The following SAMD3 variants were observed in gnomAD, a reference collection of about 807,000 sequenced individuals.
SAMD3 encodes sterile alpha motif domain-containing protein 3.
In SAMD3, 63 loss-of-function variants were observed where a neutral mutation model predicts 58.5. The ratio of observed to expected loss-of-function variants is 1.08; its 90% CI spans 0.88 to 1.33. SAMD3 has a LOEUF of 1.33. SAMD3 is among the 40% of genes most tolerant of loss of function. The pLI is 0.00. For missense variants in SAMD3, 604 were observed against 608.4 expected, an observed-to-expected ratio of 0.99 and a Z score of 0.08; for synonymous variants, 220 against 210.3, an observed-to-expected ratio of 1.05 and a Z score of -0.40.
chr6:130,216,966 G>A (rs754157811), intron 1 of SAMD3, among the ~76,000 whole-genome samples: 13 of 152,128 alleles, frequency 8.5e-5, no homozygotes, highest in Non-Finnish European at 1.9e-4. Flanking sequence ...GGTAAGCAGA[G>A]CAGAAGATAC....
intron 2 of SAMD3, among the ~76,000 whole-genome samples, chr6:130,299,066 T>C (rs1775661584): frequency 6.6e-6 from 1 of 152,050 alleles, no homozygotes; most frequent in African/African-American, 2.4e-5. Flanking sequence ...GGCAGAAAAC[T>C]AACAAAGAAA....
intron 2 of SAMD3, among the ~76,000 whole-genome samples, chr6:130,248,038 C>T (rs926239833): frequency 6.6e-6 from 1 of 152,048 alleles, no homozygotes; most frequent in Admixed American, 6.6e-5. Context: ...TTTATTGTGG[C>T]ATTTATTTTT....
chr6:130,169,233 C>T (rs1791008759), intron 8 of SAMD3, among the ~76,000 whole-genome samples: 1 of 151,910 alleles, frequency 6.6e-6, no homozygotes, highest in South Asian at 2.1e-4. Flanking sequence ...TGATGGAACC[C>T]CCCCACACAC....
At chr6:130,169,485 G>A (rs1335742491) in intron 8 of SAMD3, among the ~76,000 whole-genome samples, 2 of 152,278 alleles carry the variant, frequency 1.3e-5, no homozygotes, top group South Asian at 2.1e-4. Flanking sequence ...CAGCAAAAAT[G>A]TTGTCTCTGT....
At chr6:130,226,264 A>G (rs1292653341), upstream of SAMD3, among the ~76,000 whole-genome samples, 6 of 152,338 alleles carry the variant, frequency 3.9e-5, no homozygotes, top group Non-Finnish European at 8.8e-5. Context: ...CTTACCTAAT[A>G]TAAGAACAAG....
intron 2 of SAMD3, among the ~76,000 whole-genome samples, chr6:130,298,356 T>C (rs192266372): frequency 6.6e-6 from 1 of 152,158 alleles, no homozygotes; most frequent in East Asian, 1.9e-4. Flanking sequence ...CATTACCAGA[T>C]CAGTCTTAAA....
At chr6:130,240,359 G>A (rs1773313301) in intron 2 of SAMD3, among the ~76,000 whole-genome samples, 1 of 152,194 alleles carries the variant, frequency 6.6e-6, no homozygotes, top group African/African-American at 2.4e-5. Flanking sequence ...CAGAGTCAAA[G>A]AGGGAACACG....
intron 2 of SAMD3, among the ~76,000 whole-genome samples, chr6:130,275,908 C>T (rs1294753947): frequency 6.6e-6 from 1 of 152,074 alleles, no homozygotes; most frequent in Non-Finnish European, 1.5e-5. Flanking sequence ...TGGATAATGG[C>T]CCTGCAAGGA....
chr6:130,315,604 C>T (rs1481662941), intron 1 of SAMD3, among the ~76,000 whole-genome samples: 1 of 152,062 alleles, frequency 6.6e-6, no homozygotes, highest in East Asian at 1.9e-4. Context: ...AAAAATAGAA[C>T]TGATAATATC....
chr6:130,352,465 T>C (rs191136526), intron 1 of SAMD3, among the ~76,000 whole-genome samples: 1 of 152,250 alleles, frequency 6.6e-6, no homozygotes, highest in East Asian at 1.9e-4. Flanking sequence ...CTGCCATTAG[T>C]AACCAACAAT....
chr6:130,323,248 T>C (rs1776644891), intron 1 of SAMD3, among the ~76,000 whole-genome samples: 2 of 152,112 alleles, frequency 1.3e-5, no homozygotes, highest in African/African-American at 4.8e-5. Context: ...CCCTGAAGCC[T>C]CTATGTTGGG....
chr6:130,181,166 C>A (rs1432846182), intron 7 of SAMD3, among the ~76,000 whole-genome samples: 1 of 151,850 alleles, frequency 6.6e-6, no homozygotes, highest in Non-Finnish European at 1.5e-5. Flanking sequence ...AGGCTGGTCT[C>A]AAACTCCTGA....
At chr6:130,281,170 T>C (rs1047314401) in intron 2 of SAMD3, among the ~76,000 whole-genome samples, 5 of 152,232 alleles carry the variant, frequency 3.3e-5, no homozygotes, top group African/African-American at 1.2e-4. Context: ...TGTCCTCCCC[T>C]ATTTTGGATT....
At chr6:130,155,962 C>A (rs1371010336) in intron 8 of SAMD3, among the ~76,000 whole-genome samples, 1 of 151,984 alleles carries the variant, frequency 6.6e-6, no homozygotes, top group Non-Finnish European at 1.5e-5. Context: ...AAGAAAATAC[C>A]AAGAAAGACT....
chr6:130,306,735 G>T (rs455744), intron 2 of SAMD3, among the ~76,000 whole-genome samples: 1 of 152,182 alleles, frequency 6.6e-6, no homozygotes, highest in Admixed American at 6.5e-5. Context: ...GAAAACATTA[G>T]ACATCACAGT....
chr6:130,342,414 C>T (rs564602435), intron 1 of SAMD3, among the ~76,000 whole-genome samples: 1 of 152,078 alleles, frequency 6.6e-6, no homozygotes, highest in Non-Finnish European at 1.5e-5. Context: ...GTGCATTAAG[C>T]ATCATTTTCA....
chr6:130,185,471 G>A (rs1792849768), intron 5 of SAMD3, among the ~76,000 whole-genome samples: 1 of 152,030 alleles, frequency 6.6e-6, no homozygotes, highest in Non-Finnish European at 1.5e-5. Flanking sequence ...TGGGACTACA[G>A]GCATGTGCCA....
chr6:130,149,394 T>A (rs1267413373), intron 9 of SAMD3, among the ~76,000 whole-genome samples: 1 of 152,196 alleles, frequency 6.6e-6, no homozygotes, highest in Non-Finnish European at 1.5e-5. Context: ...CAAAGGAATA[T>A]AAAGAAAGAC....
intron 1 of SAMD3, among the ~76,000 whole-genome samples, chr6:130,337,861 A>T (rs1430120007): frequency 6.6e-6 from 1 of 152,236 alleles, no homozygotes; most frequent in African/African-American, 2.4e-5. Context: ...GCAGAGCATA[A>T]AAGTTTGGAA....
Sources: gnomAD v4.1 joint callset for allele counts (sites outside exome capture counted in the v4.1 genomes callset) on GRCh38, gnomAD v4.1.1 for gene constraint, MANE v1.5 for transcripts, NCBI Gene and HGNC (gene_info 2026-07-23, HGNC 2026-07-21) for gene names.